The following MBTPS1 variants were observed in gnomAD, a reference collection of about 807,000 sequenced individuals.
The protein encoded by MBTPS1 is membrane bound transcription factor peptidase, site 1, also known as membrane-bound transcription factor site-1 protease.
Under a neutral mutation model 127.8 loss-of-function variants are expected in MBTPS1, and 94 were observed. The observed-to-expected ratio is 0.74, with a 90% CI of 0.62 to 0.87. MBTPS1 has a LOEUF of 0.87. MBTPS1 is among the 40% of genes least tolerant of loss of function. The probability of loss-of-function intolerance (pLI) is 0.00; values close to 1 mark genes in which losing one functional copy is unlikely to be tolerated. For missense variants in MBTPS1, 1,636 were observed against 1,353.2 expected (o/e 1.21, Z -3.28); for synonymous variants, 632 against 509.4 (o/e 1.24, Z -3.24).
At chr16:84,062,805 C>T (rs922204586) in intron 19 of MBTPS1, among the ~76,000 whole-genome samples, 2 of 152,208 alleles carry the variant, frequency 1.3e-5, no homozygotes, top group Non-Finnish European at 2.9e-5. Flanking sequence ...CTCCCCTTCA[C>T]GCCTCGAGAT....
chr16:84,103,069 G>T (rs1426203231), intron 1 of MBTPS1, among the ~76,000 whole-genome samples: 1 of 152,078 alleles, frequency 6.6e-6, no homozygotes, highest in Non-Finnish European at 1.5e-5. Flanking sequence ...CATCTGAATT[G>T]TAAGAAAAAC....
intron 14 of MBTPS1, 135 bp downstream of exon 14, chr16:84,069,731 C>CT: frequency 1.2e-6 from 1 of 829,444 alleles, no homozygotes; most frequent in Non-Finnish European, 1.9e-6. Context: ...TGGCAAAAGC[C>CT]TGAACATCTC....
intron 1 of MBTPS1, among the ~76,000 whole-genome samples, chr16:84,106,812 G>T (rs780316381): frequency 6.6e-6 from 1 of 152,228 alleles, no homozygotes; most frequent in Admixed American, 6.5e-5. Context: ...GCTTGGACCA[G>T]GGCGGGCAGG....
Position 84,070,632 on chromosome 16 carries a change from G to A in MBTPS1, c.1738C>T (p.Gln580Ter). 2 of 1,613,416 alleles carry A rather than the reference G, an allele frequency of 1.2e-6. No individual in the cohort carries two copies. Among genetic ancestry groups the A allele is most frequent in the Non-Finnish European group, 1.7e-6 (2 of 1,179,910 alleles). ...KKAASWEGIA[Q>*]GHVMITVASP... is the part of the protein sequence containing the mutation. ...GCCACAGTGATCATGACATGGCCCT[G>A]AGCAATGCCTTCCCAGGAAGCCGCT... The change falls in exon 13 of 23, where the codon CAG becomes TAG. Residue 580 changes from glutamine to a stop codon, truncating the protein, a stop_gained. Coordinates refer to ENST00000343411, the MANE Select transcript of MBTPS1 (RefSeq NM_003791.4). LOFTEE classifies it high-confidence loss of function.
Position 84,084,952 on chromosome 16 carries a change from G to T in MBTPS1, c.1286+31C>A, listed in dbSNP as rs757770689. The T allele has an allele frequency of 1.1e-5, 17 of 1,605,820 alleles. No individual in the cohort carries two copies. In the Admixed American group the frequency reaches 2.2e-4, roughly 21 times the overall value. On this transcript the variant is annotated intron_variant, in intron 10 of 22. Coordinates refer to ENST00000343411, the MANE Select transcript of MBTPS1 (RefSeq NM_003791.4). Reference sequence around the variant, plus strand: ...ACCGAGTGCTCCTGTCCTGACGTGGGAGCTACTGGTCTCTAGGGGGCAGCA... The same window carrying T: ...ACCGAGTGCTCCTGTCCTGACGTGGTAGCTACTGGTCTCTAGGGGGCAGCA...
intron 14 of MBTPS1, 82 bp from the exon 15 acceptor site, chr16:84,068,536 C>G: frequency 1.1e-6 from 1 of 924,792 alleles, no homozygotes; most frequent in East Asian, 2.5e-5. Flanking sequence ...GCCGGCTCTG[C>G]AAGAGCACCA....
chr16:84,073,280 T>C (rs1409274645), intron 12 of MBTPS1, among the ~76,000 whole-genome samples: 3 of 152,114 alleles, frequency 2.0e-5, no homozygotes, highest in Non-Finnish European at 4.4e-5. Context: ...ATTACAAGCG[T>C]GTGTCACCAC....
At chr16:84,080,716 CA>C (rs2085927986) in intron 11 of MBTPS1, among the ~76,000 whole-genome samples, 1 of 152,244 alleles carries the variant, frequency 6.6e-6, no homozygotes, top group Admixed American at 6.5e-5. Context: ...TCCCATCAGC[CA>C]AAACTTTTTC....
chr16:84,072,389 T>C (rs1597317413), intron 12 of MBTPS1, among the ~76,000 whole-genome samples: 1 of 152,298 alleles, frequency 6.6e-6, no homozygotes, highest in East Asian at 1.9e-4. Context: ...TGGCACAGCC[T>C]TCTGAATATA....
At position 84,060,711 on chromosome 16, in the gene MBTPS1, G is replaced by C. The variant is rs770208882; in HGVS notation, c.2675C>G (p.Ala892Gly). 1.2e-6 allele frequency: 2 copies of C among 1,613,894 alleles called. No homozygotes were observed. The highest frequency in any genetic ancestry group is 1.7e-6 in the Non-Finnish European group (2 of 1,179,948). Reference protein sequence around the residue: ...SGNRQRPPSGAGSVTPERMEG... With the variant: ...SGNRQRPPSGGGSVTPERMEG... The stretch of plus-strand genomic sequence containing the variant: ...CATCCTCTCTGGAGTGACTGAGCCT[G>C]CTCCACTGGGAGGGCGCTGGCGGTT... The change falls in exon 20 of 23, where the codon GCA (alanine) becomes GGA (glycine). Residue 892 changes from alanine (A) to glycine (G), a missense_variant. Transcript: ENST00000343411.
rs5818481 is a variant in MBTPS1 at position 84,087,473 on chromosome 16, C to CAAAA, written c.1032-17_1032-14dup. On this transcript the variant is annotated splice_polypyrimidine_tract_variant and intron_variant, in intron 8 of 22. Coordinates refer to ENST00000343411, the MANE Select transcript of MBTPS1 (RefSeq NM_003791.4). The stretch of plus-strand genomic sequence containing the variant: ...GTTATTCAGAGTGCTATATTGAGAC[C>CAAAA]AAAAAAAAAAAAAAAGAAAAGAAAA... The CAAAA allele has an allele frequency of 1.5e-5, 16 of 1,036,884 alleles. No individual in the cohort carries two copies. Among genetic ancestry groups the CAAAA allele is most frequent in the South Asian group, 9.1e-5 (6 of 66,108 alleles). The allele number at this position is 1,036,884 out of a possible 1,614,324, so 64.2% of individuals were successfully genotyped here. A position where few individuals can be genotyped will look rare whatever the true frequency, so the allele number is the denominator to read the frequency against.
At position 84,054,194 on chromosome 16, in the gene MBTPS1, G is replaced by A; in HGVS notation, c.*255C>T. 1 of 335,174 alleles carries A rather than the reference G, an allele frequency of 3.0e-6. No individual in the cohort carries two copies. The highest frequency in any genetic ancestry group is 5.5e-6 in the Non-Finnish European group (1 of 183,422). The allele number at this position is 335,174 out of a possible 1,614,324, so 20.8% of individuals were successfully genotyped here. A position where few individuals can be genotyped will look rare whatever the true frequency, so the allele number is the denominator to read the frequency against. ...TTTCCAGTTCTCCCGAGTCTTTGGT[G>A]CGCACAGCTGCCGGCGGGAAGTCTC... On this transcript the variant is annotated 3_prime_UTR_variant, in exon 23 of 23. Coordinates refer to ENST00000343411, the MANE Select transcript of MBTPS1 (RefSeq NM_003791.4).
chr16:84,114,026 G>A (rs143725903), intron 1 of MBTPS1, among the ~76,000 whole-genome samples: 1 of 149,220 alleles, frequency 6.7e-6, no homozygotes, highest in Non-Finnish European at 1.5e-5. Flanking sequence ...GTGCAATGGC[G>A]CGATCTCAGC....
At chr16:84,079,537 C>G (rs1359539783) in intron 11 of MBTPS1, among the ~76,000 whole-genome samples, 2 of 152,140 alleles carry the variant, frequency 1.3e-5, no homozygotes, top group Non-Finnish European at 2.9e-5. Context: ...CGCACTGTCA[C>G]AAATACTATA....
chr16:84,086,859 G>C (rs1267921619), intron 9 of MBTPS1, among the ~76,000 whole-genome samples: 1 of 152,166 alleles, frequency 6.6e-6, no homozygotes, highest in Non-Finnish European at 1.5e-5. Context: ...CCAAACAGCT[G>C]AATTATTAAC....
At chr16:84,109,646 C>G (rs987323089) in intron 1 of MBTPS1, 1 of 152,168 alleles carries the variant, frequency 6.6e-6, no homozygotes. Flanking sequence ...ACAGAATCAA[C>G]TGGCCTAGAA....
chr16:84,104,891 C>T (rs1432429078), intron 1 of MBTPS1, among the ~76,000 whole-genome samples: 1 of 151,770 alleles, frequency 6.6e-6, no homozygotes, highest in Non-Finnish European at 1.5e-5. Context: ...GCCTGGCCAA[C>T]ATGGTGAAAC....
intron 4 of MBTPS1, 57 bp downstream of exon 4, chr16:84,095,545 G>C: frequency 6.3e-7 from 1 of 1,577,434 alleles, no homozygotes; most frequent in Non-Finnish European, 8.7e-7. Flanking sequence ...GCCTTCCCTG[G>C]GTAATAGCAC....
At chr16:84,099,772 T>C (rs1249336180) in intron 2 of MBTPS1, among the ~76,000 whole-genome samples, 1 of 139,716 alleles carries the variant, frequency 7.2e-6, no homozygotes, top group African/African-American at 2.7e-5. Context: ...CAAGCCTCCG[T>C]CTCAAAAAAA....
Sources: allele counts gnomAD v4.1 joint callset (sites outside exome capture counted in the v4.1 genomes callset), GRCh38; gene constraint gnomAD v4.1.1; transcripts MANE v1.5; gene names NCBI Gene and HGNC (gene_info 2026-07-23, HGNC 2026-07-21).